STX11: variants seen among roughly 807,000 people sequenced by gnomAD.
STX11 encodes syntaxin-11.
STX11 carries 21 observed loss-of-function variants against 19.9 expected under a neutral mutation model. The ratio of observed to expected loss-of-function variants is 1.06; its 90% CI spans 0.75 to 1.52. The LOEUF (loss-of-function observed/expected upper bound fraction) is 1.52, where lower values mean the gene tolerates loss of function less well. Ranked by LOEUF, STX11 falls within the 40% of genes most tolerant of loss-of-function variation. STX11 has a pLI of 0.00. For missense variants in STX11, 438 were observed against 405.9 expected, an observed-to-expected ratio of 1.08 and a Z score of -0.68; for synonymous variants, 193 against 174.4, an observed-to-expected ratio of 1.11 and a Z score of -0.84.
Position 144,174,289 on chromosome 6 carries a change from C to T in STX11, c.-5-12334C>T, listed in dbSNP as rs1801718807. ...AGCAAATCTCAGTCTCATAGCCACC[C>T]TCAGACTCAAGGAGTTGAGAAATAG... is the stretch of plus-strand genomic sequence containing the variant. On this transcript the variant is annotated intron_variant, in intron 1 of 1. Transcript: ENST00000367568. This position sits in a 1 kb window ranked among gnomAD's most constrained non-coding sequence, Gnocchi z 5.3. 6.6e-6 allele frequency among the ~76,000 whole-genome samples: 1 copy of T among 152,236 alleles called. No homozygotes were observed. The highest frequency in any genetic ancestry group is 1.5e-5 in the Non-Finnish European group (1 of 68,046).
rs906205945 is a variant in STX11 at position 144,191,257 on chromosome 6, C to T, written c.*3766C>T. 6.8e-6 allele frequency among the ~76,000 whole-genome samples: 1 copy of T among 146,122 alleles called. No individual in the cohort carries two copies. The highest frequency in any genetic ancestry group is 7.0e-5 in the Admixed American group (1 of 14,362). On this transcript the variant is annotated 3_prime_UTR_variant, in exon 2 of 2. Coordinates refer to ENST00000367568, the MANE Select transcript of STX11 (RefSeq NM_003764.4). ...AAATGTCCTAACTAGGAAAGGTGCT[C>T]ATCTAGTATGCATCGGTATCCAGGA...
chr6:144,181,319 G>A (rs1191712411), intron 1 of STX11, among the ~76,000 whole-genome samples: 1 of 152,064 alleles, frequency 6.6e-6, no homozygotes, highest in African/African-American at 2.4e-5. Context: ...CATGGGCCAG[G>A]TGCAGTGGCT....
rs1362663407 is a variant in STX11 at position 144,154,259 on chromosome 6, C to T, written c.-6+3556C>T. Among the ~76,000 whole-genome samples, 2 of 152,180 alleles carry T rather than the reference C, an allele frequency of 1.3e-5. No individual in the cohort carries two copies. The highest frequency in any genetic ancestry group is 2.9e-5 in the Non-Finnish European group (2 of 68,032). On this transcript the variant is annotated intron_variant, in intron 1 of 1. Transcript: ENST00000367568. This position sits in a 1 kb window ranked among gnomAD's most constrained non-coding sequence, Gnocchi z 4.7. Reference sequence around the variant, plus strand: ...AGCTCAGGTTGAAGTCACTCTCCTGCCCCTAACAATTCTTCCTTATCCAAG... The same window carrying T: ...AGCTCAGGTTGAAGTCACTCTCCTGTCCCTAACAATTCTTCCTTATCCAAG...
In STX11 at chr6:144,187,297, G is replaced by A. The variant is rs149806735; in HGVS notation, c.670G>A (p.Val224Ile). ...LLRLESRIRD[V>I]HELFLQMAVL... ...GCGCCTGGAGAGCCGCATCCGCGAC[G>A]TACACGAGCTCTTCTTGCAGATGGC... The change falls in exon 2 of 2, where the codon GTA (valine) becomes ATA (isoleucine). Residue 224 changes from valine (V) to isoleucine (I), a missense_variant. Physicochemically the swap from Val to Ile is conservative, Grantham distance 29. Transcript: ENST00000367568. This position sits in a 1 kb window ranked among gnomAD's most constrained non-coding sequence, Gnocchi z 5.6. 3 of 1,612,568 alleles carry A rather than the reference G, an allele frequency of 1.9e-6. No homozygotes were observed. The African/African-American group carries it at 4.0e-5, about 21-fold the overall frequency.
Position 144,176,332 on chromosome 6 carries a change from C to T in STX11, c.-5-10291C>T, listed in dbSNP as rs1466333998. ...AAATCCCAGACTTCTCTCTTACTCA[C>T]TGGGTGAACTTAACTTCTCCGAGAC... On this transcript the variant is annotated intron_variant, in intron 1 of 1. Transcript: ENST00000367568. The surrounding 1 kb of genome is among the most constrained non-coding windows in gnomAD (Gnocchi z 4.1). Among the ~76,000 whole-genome samples the T allele has an allele frequency of 6.6e-6, 1 of 152,182 alleles. No homozygotes were observed. Among genetic ancestry groups the T allele is most frequent in the Non-Finnish European group, 1.5e-5 (1 of 68,032 alleles).
chr6:144,150,925 A>T (rs971027464), intron 1 of STX11, among the ~76,000 whole-genome samples: 7 of 152,172 alleles, frequency 4.6e-5, no homozygotes, highest in Non-Finnish European at 7.4e-5. Context: ...ATGATTTTTT[A>T]AAATTACTTT....
chr6:144,146,419 A>G (rs1012221929), upstream of STX11, among the ~76,000 whole-genome samples: 5 of 152,196 alleles, frequency 3.3e-5, no homozygotes, highest in Non-Finnish European at 7.3e-5. This position sits in a 1 kb window ranked among gnomAD's most constrained non-coding sequence, Gnocchi z 4.4. Flanking sequence ...TCAATTGCGG[A>G]AGATAATTCA....
the STX11 span, among the ~76,000 whole-genome samples, chr6:144,143,557 C>T: frequency 5.9e-5 from 9 of 151,996 alleles, no homozygotes; most frequent in African/African-American, 2.2e-4. Context: ...GAATTGGGGC[C>T]TTTTGTTGAG....
rs1260556310 is a variant in STX11 at position 144,155,946 on chromosome 6, CTTTCTTT to C, written c.-6+5244_-6+5250del. ...AAATGTGTTTTAAAATTTAATCTTT[CTTTCTTT>C]CTTTCTTTCTTTCTTTCTTTCTTTC... On this transcript the variant is annotated intron_variant, in intron 1 of 1. Transcript: ENST00000367568. This position sits in a 1 kb window ranked among gnomAD's most constrained non-coding sequence, Gnocchi z 4.5. Among the ~76,000 whole-genome samples the C allele has an allele frequency of 0.082, 1,954 of 23,894 alleles. 73 individuals are homozygous for C. The highest frequency in any genetic ancestry group is 0.12 in the African/African-American group (1,469 of 12,630). 15.7% of individuals were successfully genotyped at this position (23,894 alleles called of 152,430 possible). A position where few individuals can be genotyped will look rare whatever the true frequency, so the allele number is the denominator to read the frequency against.
At position 144,187,549 on chromosome 6, in the gene STX11, G is replaced by A. The variant is rs1047174857; in HGVS notation, c.*58G>A. 4 of 1,607,336 alleles carry A rather than the reference G, an allele frequency of 2.5e-6. No individual in the cohort carries two copies. Among genetic ancestry groups the A allele is most frequent in the African/African-American group, 1.3e-5 (1 of 74,764 alleles). Reference sequence around the variant, plus strand: ...GACCATGGAGCGCGCTGGGAAGGACGCACCAAAGCCGGGAGCTCTGCCCTG... The same window carrying A: ...GACCATGGAGCGCGCTGGGAAGGACACACCAAAGCCGGGAGCTCTGCCCTG... On this transcript the variant is annotated 3_prime_UTR_variant, in exon 2 of 2. Transcript: ENST00000367568. The surrounding 1 kb of genome is among the most constrained non-coding windows in gnomAD (Gnocchi z 5.6).
chr6:144,185,540 G>T (rs1325561732), intron 1 of STX11, among the ~76,000 whole-genome samples: 1 of 152,194 alleles, frequency 6.6e-6, no homozygotes, highest in Non-Finnish European at 1.5e-5. Flanking sequence ...TTACTAAGCA[G>T]AGGAATTACC....
At chr6:144,181,798 C>G (rs1455059580) in intron 1 of STX11, among the ~76,000 whole-genome samples, 1 of 152,172 alleles carries the variant, frequency 6.6e-6, no homozygotes, top group Non-Finnish European at 1.5e-5. Context: ...CTACCATCAT[C>G]TCTTTGTTCC....
chr6:144,142,582 C>T, the STX11 span, among the ~76,000 whole-genome samples: 1 of 151,848 alleles, frequency 6.6e-6, no homozygotes, highest in African/African-American at 2.4e-5. Flanking sequence ...TACTATTCCG[C>T]CATAAAAGAA....
rs1209426119 is a variant in STX11, at chr6:144,184,225, C to T, written c.-5-2398C>T. ...TTGGGTATATACCCAGTAATGGGAT[C>T]GCTGGCTCAAATGGTGTTTCCAGTT... On this transcript the variant is annotated intron_variant, in intron 1 of 1. Transcript: ENST00000367568. This position sits in a 1 kb window ranked among gnomAD's most constrained non-coding sequence, Gnocchi z 6.5. Among the ~76,000 whole-genome samples the T allele has an allele frequency of 1.3e-5, 2 of 152,120 alleles. No homozygotes were observed. Among genetic ancestry groups the T allele is most frequent in the Non-Finnish European group, 2.9e-5 (2 of 68,020 alleles).
chr6:144,147,631 C>T (rs753535041), upstream of STX11, among the ~76,000 whole-genome samples: 1 of 152,110 alleles, frequency 6.6e-6, no homozygotes, highest in Non-Finnish European at 1.5e-5. This position sits in a 1 kb window ranked among gnomAD's most constrained non-coding sequence, Gnocchi z 4.2. Flanking sequence ...GCCTTCATGA[C>T]AACTTGACAA....
rs1309810449 is a variant in STX11 at position 144,184,922 on chromosome 6, T to C, written c.-5-1701T>C. Among the ~76,000 whole-genome samples, 1 of 152,216 alleles carries C rather than the reference T, an allele frequency of 6.6e-6. No individual in the cohort carries two copies. The highest frequency in any genetic ancestry group is 1.5e-5 in the Non-Finnish European group (1 of 68,040). ...ATTATAATTTCTCCCCAGTTGGTGG[T>C]TTGTCTTTCAATTTTGTTCAAAGTG... On this transcript the variant is annotated intron_variant, in intron 1 of 1. Coordinates refer to ENST00000367568, the MANE Select transcript of STX11 (RefSeq NM_003764.4). The surrounding 1 kb of genome is among the most constrained non-coding windows in gnomAD (Gnocchi z 6.5).
chr6:144,141,940 C>G, the STX11 span, among the ~76,000 whole-genome samples: 1 of 152,012 alleles, frequency 6.6e-6, no homozygotes, highest in Non-Finnish European at 1.5e-5. Context: ...CCTCTGCCTC[C>G]TAAAGTGCTG....
At chr6:144,166,525 C>CTTTTTT (rs1174123119) in intron 1 of STX11, among the ~76,000 whole-genome samples, 1 of 125,532 alleles carries the variant, frequency 8.0e-6, no homozygotes, top group Non-Finnish European at 1.7e-5. Flanking sequence ...CTTTTCTTTC[C>CTTTTTT]TTTTTTTTTT....
chr6:144,171,395 A>T (rs1263834165), intron 1 of STX11, among the ~76,000 whole-genome samples: 1 of 152,182 alleles, frequency 6.6e-6, no homozygotes. Flanking sequence ...GTCTTTGATG[A>T]TGAAGGAAAC....
Sources: allele counts gnomAD v4.1 joint callset (sites outside exome capture counted in the v4.1 genomes callset), GRCh38; gene constraint gnomAD v4.1.1; non-coding constraint Gnocchi (gnomAD v3.1); transcripts MANE v1.5; gene names NCBI Gene and HGNC (gene_info 2026-07-23, HGNC 2026-07-21).